Variants in SDK1 observed in about 807,000 individuals in gnomAD.
SDK1 encodes the protein protein sidekick-1.
Under a neutral mutation model 245.5 loss-of-function variants are expected in SDK1, and 157 were observed. The observed-to-expected ratio is 0.64, with a 90% CI of 0.56 to 0.73. The LOEUF is 0.73. SDK1 is among the 30% of genes least tolerant of loss of function. The probability of loss-of-function intolerance (pLI) is 0.00; values close to 1 mark genes in which losing one functional copy is unlikely to be tolerated. For missense variants in SDK1, 3,583 were observed against 3,002.3 expected (o/e 1.19, Z -4.52); for synonymous variants, 1,647 against 1,278.5 (o/e 1.29, Z -6.15).
chr7:3,566,031 GAATT>G (rs1234906678), intron 1 of SDK1, among the ~76,000 whole-genome samples: 1 of 151,878 alleles, frequency 6.6e-6, no homozygotes, highest in Non-Finnish European at 1.5e-5. Flanking sequence ...TAATATCTAT[GAATT>G]AATAAGAATG....
At chr7:3,389,917 C>G (rs1355807309) in intron 1 of SDK1, among the ~76,000 whole-genome samples, 4 of 152,120 alleles carry the variant, frequency 2.6e-5, no homozygotes, top group Non-Finnish European at 5.9e-5. Flanking sequence ...CTTGAACAGA[C>G]TGTTCAAGTG....
chr7:3,655,674 A>C (rs1783160573), intron 4 of SDK1, among the ~76,000 whole-genome samples: 1 of 151,668 alleles, frequency 6.6e-6, no homozygotes, highest in African/African-American at 2.4e-5. Context: ...GCACCTGGTC[A>C]TACTAAGTAG....
intron 4 of SDK1, among the ~76,000 whole-genome samples, chr7:3,678,539 C>T (rs189292040): frequency 3.5e-4 from 53 of 152,258 alleles, no homozygotes; most frequent in African/African-American, 1.3e-3. Flanking sequence ...AAAGAACACC[C>T]ATTGTGTGGT....
At chr7:3,415,026 A>G (rs185842503) in intron 1 of SDK1, among the ~76,000 whole-genome samples, 46 of 152,324 alleles carry the variant, frequency 3.0e-4, no homozygotes, top group Non-Finnish European at 5.4e-4. Context: ...TAACACTGCT[A>G]TGAACATTTG....
At chr7:3,558,033 T>C (rs896694505) in intron 1 of SDK1, among the ~76,000 whole-genome samples, 3 of 150,570 alleles carry the variant, frequency 2.0e-5, no homozygotes, top group African/African-American at 4.9e-5. Flanking sequence ...TCTCATAGTT[T>C]GAAGTTTCCC....
chr7:4,038,069 G>C (rs372386220), intron 17 of SDK1, among the ~76,000 whole-genome samples: 1 of 152,212 alleles, frequency 6.6e-6, no homozygotes, highest in Non-Finnish European at 1.5e-5. Flanking sequence ...GCTCACAGCT[G>C]TGACCTTCAC....
In SDK1 at chr7:4,130,045, C is replaced by T. The variant is rs755134740; in HGVS notation, c.4077C>T (p.Ile1359=). ...TCCAGGTGCTGGCGTTCACCCGCAT[C>T]GGGAACGGGGTCCCCAGCACGCCCC... is the stretch of plus-strand genomic sequence containing the variant. ...YELQVLAFTR[I]GNGVPSTPLI... is the part of the protein sequence containing the mutation. The change falls in exon 27 of 45, where the codon ATC becomes ATT. Residue 1359 remains isoleucine (I), a synonymous_variant. Coordinates refer to ENST00000404826, the MANE Select transcript of SDK1 (RefSeq NM_152744.4). The T allele has an allele frequency of 8.7e-6, 14 of 1,612,878 alleles. No homozygotes were observed. Among genetic ancestry groups the T allele is most frequent in the African/African-American group, 2.7e-5 (2 of 74,910 alleles).
At chr7:3,366,200 T>C (rs1199099143) in intron 1 of SDK1, among the ~76,000 whole-genome samples, 1 of 152,224 alleles carries the variant, frequency 6.6e-6, no homozygotes, top group Non-Finnish European at 1.5e-5. Context: ...AATAAAAAGT[T>C]CTACATAGAG....
intron 44 of SDK1, among the ~76,000 whole-genome samples, 187 bp from the exon 45 acceptor site, chr7:4,264,937 A>G (rs905526291): frequency 8.7e-5 from 12 of 137,366 alleles, no homozygotes; most frequent in African/African-American, 3.4e-4. Flanking sequence ...AGGGAGGGGG[A>G]CCTGGGGGCT....
chr7:3,408,846 TAGC>T (rs1779122105), intron 1 of SDK1, among the ~76,000 whole-genome samples: 1 of 152,244 alleles, frequency 6.6e-6, no homozygotes, highest in Non-Finnish European at 1.5e-5. Flanking sequence ...CATTATAAAA[TAGC>T]AGTGCTACTT....
intron 1 of SDK1, among the ~76,000 whole-genome samples, chr7:3,530,919 A>T (rs1352649302): frequency 6.6e-6 from 1 of 152,234 alleles, no homozygotes; most frequent in East Asian, 1.9e-4. Flanking sequence ...ATATCATTAA[A>T]ATTTGATTTG....
At chr7:3,744,251 C>T (rs148196395) in intron 4 of SDK1, among the ~76,000 whole-genome samples, 155 of 152,206 alleles carry the variant, frequency 1.0e-3, no homozygotes, top group African/African-American at 3.4e-3. Context: ...CCCCATCTCT[C>T]CAATTACTGC....
intron 4 of SDK1, among the ~76,000 whole-genome samples, chr7:3,766,536 G>C (rs1363261817): frequency 6.6e-6 from 1 of 152,070 alleles, no homozygotes; most frequent in Non-Finnish European, 1.5e-5. Flanking sequence ...GGTTAATATG[G>C]TTTTTGTAGT....
At chr7:3,917,128 T>A (rs1277922453) in intron 5 of SDK1, among the ~76,000 whole-genome samples, 2 of 152,222 alleles carry the variant, frequency 1.3e-5, no homozygotes, top group Non-Finnish European at 2.9e-5. Flanking sequence ...ATACAAAAAT[T>A]CAGTCTGTTT....
intron 5 of SDK1, among the ~76,000 whole-genome samples, chr7:3,879,172 A>G (rs999085538): frequency 6.6e-6 from 1 of 152,182 alleles, no homozygotes; most frequent in Non-Finnish European, 1.5e-5. Context: ...ACACCACTGA[A>G]TATTCTTACT....
chr7:4,023,112 A>T (rs989303474), intron 17 of SDK1, among the ~76,000 whole-genome samples: 3 of 151,922 alleles, frequency 2.0e-5, no homozygotes, highest in East Asian at 3.9e-4. Flanking sequence ...GCTCAGATAT[A>T]TTTACAATGC....
chr7:3,688,014 A>G (rs1784340361), intron 4 of SDK1, among the ~76,000 whole-genome samples: 1 of 152,202 alleles, frequency 6.6e-6, no homozygotes. Context: ...ATTTCCAAAG[A>G]TTAGAGGATT....
intron 35 of SDK1, among the ~76,000 whole-genome samples, chr7:4,182,492 G>C (rs994035166): frequency 1.3e-5 from 2 of 152,192 alleles, no homozygotes; most frequent in Non-Finnish European, 2.9e-5. Context: ...AGCAGCTGGG[G>C]AAACCCTGCA....
At chr7:3,961,026 T>C (rs961273589) in intron 8 of SDK1, among the ~76,000 whole-genome samples, 3 of 152,254 alleles carry the variant, frequency 2.0e-5, no homozygotes, top group African/African-American at 4.8e-5. Context: ...ATGACAATCT[T>C]AAACTCCCTT....
Sources: allele counts gnomAD v4.1 joint callset (sites outside exome capture counted in the v4.1 genomes callset), GRCh38; gene constraint gnomAD v4.1.1; transcripts MANE v1.5; gene names NCBI Gene and HGNC (gene_info 2026-07-23, HGNC 2026-07-21).